The following CYTH1 variants were observed in gnomAD, a reference collection of about 807,000 sequenced individuals.
CYTH1 encodes the protein cytohesin 1, also known as cytohesin-1.
CYTH1 carries 18 observed loss-of-function variants against 61.8 expected under a neutral mutation model. The ratio of observed to expected loss-of-function variants is 0.29; its 90% CI spans 0.20 to 0.43. CYTH1 has a LOEUF of 0.43. CYTH1 is among the 20% of genes least tolerant of loss of function. The pLI is 1.00. For synonymous variants in CYTH1, 174 were observed against 184.3 expected (o/e 0.94, Z 0.45); for missense variants, 336 against 510.5 (o/e 0.66, Z 3.29).
At chr17:78,776,582 C>A (rs2093492011) in intron 1 of CYTH1, among the ~76,000 whole-genome samples, 1 of 151,070 alleles carries the variant, frequency 6.6e-6, no homozygotes, top group African/African-American at 2.4e-5. Flanking sequence ...TCGCTTGAAC[C>A]CGGGAGGCAG....
At chr17:78,775,880 C>T (rs1283742876) in intron 1 of CYTH1, among the ~76,000 whole-genome samples, 3 of 152,192 alleles carry the variant, frequency 2.0e-5, no homozygotes, top group Non-Finnish European at 4.4e-5. Context: ...AAAGGCCAGG[C>T]ACGGTGGCTC....
At chr17:78,726,376 C>T (rs1019519208) in intron 1 of CYTH1, among the ~76,000 whole-genome samples, 1 of 152,014 alleles carries the variant, frequency 6.6e-6, no homozygotes, top group African/African-American at 2.4e-5. Context: ...TGCATGGAAA[C>T]GAGGCCCCCT....
At chr17:78,702,282 A>G (rs909984562) in intron 4 of CYTH1, 42 bp from the exon 5 acceptor site, 1 of 1,510,756 alleles carries the variant, frequency 6.6e-7, no homozygotes. Flanking sequence ...CTTTGCTGGG[A>G]AACAGTTGAA....
intron 3 of CYTH1, among the ~76,000 whole-genome samples, chr17:78,707,240 C>T (rs1009396263): frequency 6.6e-6 from 1 of 152,094 alleles, no homozygotes; most frequent in Non-Finnish European, 1.5e-5. Flanking sequence ...AACAGTCCTA[C>T]GAAGCCAGAC....
chr17:78,707,511 C>T (rs902402045), intron 3 of CYTH1, among the ~76,000 whole-genome samples: 8 of 152,280 alleles, frequency 5.3e-5, no homozygotes, highest in African/African-American at 1.7e-4. Flanking sequence ...TGACTGGACA[C>T]TCCAGCCCTT....
At chr17:78,686,015 C>T (rs916091209) in intron 11 of CYTH1, among the ~76,000 whole-genome samples, 2 of 152,202 alleles carry the variant, frequency 1.3e-5, no homozygotes, top group African/African-American at 2.4e-5. Context: ...ACGGTGTCTT[C>T]TTTGATTTGC....
chr17:78,771,978 C>T (rs1156467977), intron 1 of CYTH1, among the ~76,000 whole-genome samples: 1 of 152,138 alleles, frequency 6.6e-6, no homozygotes, highest in East Asian at 1.9e-4. Flanking sequence ...AGAAGCAAAA[C>T]AACATTACCA....
intron 1 of CYTH1, among the ~76,000 whole-genome samples, chr17:78,780,995 G>A (rs1369274313): frequency 1.3e-5 from 2 of 151,912 alleles, no homozygotes; most frequent in East Asian, 1.9e-4. Flanking sequence ...GGGCGACAGA[G>A]TGAGACTCCG....
chr17:78,736,101 G>A (rs1158347450), intron 1 of CYTH1, among the ~76,000 whole-genome samples: 8 of 152,190 alleles, frequency 5.3e-5, no homozygotes, highest in East Asian at 1.9e-4. Context: ...AGACCACATC[G>A]TCTTTTCCCT....
intron 1 of CYTH1, among the ~76,000 whole-genome samples, chr17:78,772,752 G>A (rs1354328342): frequency 1.3e-5 from 2 of 151,892 alleles, no homozygotes; most frequent in Non-Finnish European, 2.9e-5. Flanking sequence ...TGGCCAGGAT[G>A]GTCTCGATCT....
At chr17:78,723,475 G>A (rs891674631) in intron 1 of CYTH1, 2 of 152,568 alleles carry the variant, frequency 1.3e-5, no homozygotes, top group African/African-American at 4.8e-5. Flanking sequence ...GGCCCTGCAG[G>A]TGGAAACTCG....
At chr17:78,716,779 C>G (rs1362354607) in intron 1 of CYTH1, 1 of 152,214 alleles carries the variant, frequency 6.6e-6, no homozygotes, top group Non-Finnish European at 1.5e-5. Context: ...AAACAAAATG[C>G]TTAATTTCAT....
intron 11 of CYTH1, among the ~76,000 whole-genome samples, chr17:78,682,700 T>G (rs781654427): frequency 6.6e-6 from 1 of 152,258 alleles, no homozygotes; most frequent in Non-Finnish European, 1.5e-5. Flanking sequence ...CCTCCAAGAC[T>G]GGGAAGCCCA....
intron 1 of CYTH1, among the ~76,000 whole-genome samples, chr17:78,727,046 G>A (rs537629877): frequency 6.6e-6 from 1 of 152,332 alleles, no homozygotes; most frequent in Admixed American, 6.5e-5. Flanking sequence ...AAGCGTGCAA[G>A]GGCAATGTGC....
chr17:78,745,051 GT>G lies in CYTH1; in HGVS notation c.23-35320del, dbSNP rs531082297. Among the ~76,000 whole-genome samples, 244 of 152,244 alleles carry G rather than the reference GT, an allele frequency of 1.6e-3. 3 individuals are homozygous for G. The highest frequency in any genetic ancestry group is 5.5e-3 in the African/African-American group (228 of 41,528). On this transcript the variant is annotated intron_variant, in intron 1 of 13. Transcript: ENST00000446868. Reference sequence around the variant, plus strand: ...ACTTGCCACAAAACTGAAAAACTGTGTGGTTTTGAGTATGTACATTTTGGGG... The same window carrying G: ...ACTTGCCACAAAACTGAAAAACTGTGGGTTTTGAGTATGTACATTTTGGGG...
chr17:78,697,243 G>A (rs554943708), intron 9 of CYTH1, among the ~76,000 whole-genome samples: 15 of 150,244 alleles, frequency 1.0e-4, no homozygotes, highest in South Asian at 4.2e-4. Context: ...GGTATAGGAC[G>A]GAACAGCCCC....
chr17:78,758,520 C>A (rs1006387313), intron 1 of CYTH1, among the ~76,000 whole-genome samples: 1 of 152,140 alleles, frequency 6.6e-6, no homozygotes, highest in Non-Finnish European at 1.5e-5. Context: ...GCCTGACAAA[C>A]ATGGAGAAAC....
At chr17:78,712,159 AG>A in intron 1 of CYTH1, among the ~76,000 whole-genome samples, 1 of 21,168 alleles carries the variant, frequency 4.7e-5, no homozygotes, top group Non-Finnish European at 8.3e-5. Flanking sequence ...GAAGGAAGGG[AG>A]GGAGGGAGGG....
At chr17:78,734,432 C>CTTTTT (rs10557033) in intron 1 of CYTH1, among the ~76,000 whole-genome samples, 2 of 62,716 alleles carry the variant, frequency 3.2e-5, no homozygotes, top group Non-Finnish European at 5.6e-5. Context: ...TAAAAAAAAG[C>CTTTTT]TTTTTTTTTT....
Sources: gnomAD v4.1 joint callset for allele counts (sites outside exome capture counted in the v4.1 genomes callset) on GRCh38, gnomAD v4.1.1 for gene constraint, MANE v1.5 for transcripts, NCBI Gene and HGNC (gene_info 2026-07-23, HGNC 2026-07-21) for gene names.